Variants in AGBL1 observed in about 807,000 individuals in gnomAD.
The protein encoded by AGBL1 is AGBL carboxypeptidase 1.
A neutral mutation model predicts 118.9 loss-of-function variants in AGBL1; 130 were observed. That is an observed-to-expected ratio of 1.09 (90% CI 0.95 to 1.26). The LOEUF (loss-of-function observed/expected upper bound fraction) is 1.26, where lower values mean the gene tolerates loss of function less well. AGBL1 is among the 50% of genes most tolerant of loss of function. AGBL1 has a pLI of 0.00. For synonymous variants in AGBL1, 555 were observed against 478.9 expected (o/e 1.16, Z -2.08); for missense variants, 1,584 against 1,298.1 (o/e 1.22, Z -3.38).
Position 86,838,363 on chromosome 15 carries a change from TC to T in AGBL1, c.3159-68723del, listed in dbSNP as rs559834031. ...TTGTATAATATACCCTTATTCTTTT[TC>T]ATAGCCCTCCTTTAGAATAATTTTT... is the stretch of plus-strand genomic sequence containing the variant. On this transcript the variant is annotated intron_variant, in intron 22 of 22. Transcript: ENST00000614907. 4.6e-5 allele frequency among the ~76,000 whole-genome samples: 7 copies of T among 152,320 alleles called. 1 individual carries two copies. In the East Asian group the frequency reaches 1.2e-3, roughly 25 times the overall value.
chr15:86,207,097 GT>G (rs1246443130), intron 5 of AGBL1, among the ~76,000 whole-genome samples: 1 of 152,100 alleles, frequency 6.6e-6, no homozygotes, highest in African/African-American at 2.4e-5. Flanking sequence ...TTTTTGTCAG[GT>G]TTGTCAAAGA....
intron 5 of AGBL1, among the ~76,000 whole-genome samples, chr15:86,197,736 A>C (rs1218632911): frequency 6.6e-6 from 1 of 152,232 alleles, no homozygotes; most frequent in East Asian, 1.9e-4. Context: ...GTATGGCTGG[A>C]CTATTACTTG....
chr15:86,507,571 T>C (rs2082992787), intron 18 of AGBL1, among the ~76,000 whole-genome samples: 1 of 152,074 alleles, frequency 6.6e-6, no homozygotes, highest in Non-Finnish European at 1.5e-5. Context: ...GTGTTAATTG[T>C]AGTGAATAAA....
chr15:86,263,256 C>T (rs1037213843), intron 10 of AGBL1, among the ~76,000 whole-genome samples: 1 of 152,152 alleles, frequency 6.6e-6, no homozygotes, highest in African/African-American at 2.4e-5. Context: ...CACACAAATC[C>T]CATTGTATTA....
chr15:86,128,245 G>A (rs982985081), intron 1 of AGBL1, among the ~76,000 whole-genome samples: 1 of 152,048 alleles, frequency 6.6e-6, no homozygotes, highest in Non-Finnish European at 1.5e-5. Flanking sequence ...AGGAAAGGCG[G>A]CAGGCAAGAG....
chr15:86,990,936 T>C (rs2081331261), intron 24 of AGBL1, among the ~76,000 whole-genome samples: 1 of 152,178 alleles, frequency 6.6e-6, no homozygotes, highest in Non-Finnish European at 1.5e-5. Flanking sequence ...GGTATGTTTC[T>C]TAGGATAGAA....
chr15:86,778,539 C>G (rs941969340), intron 22 of AGBL1, among the ~76,000 whole-genome samples: 1 of 152,130 alleles, frequency 6.6e-6, no homozygotes, highest in Non-Finnish European at 1.5e-5. Flanking sequence ...ATGTTCCTTG[C>G]TGAGAAAAAG....
intron 18 of AGBL1, among the ~76,000 whole-genome samples, chr15:86,436,176 G>A (rs138056526): frequency 1.0e-4 from 14 of 136,848 alleles, no homozygotes; most frequent in East Asian, 8.4e-4. Flanking sequence ...TTGTCTTACC[G>A]CTCTCTGTGG....
At chr15:86,085,978 C>A (rs1274967700) in intron 1 of AGBL1, among the ~76,000 whole-genome samples, 3 of 152,158 alleles carry the variant, frequency 2.0e-5, no homozygotes, top group African/African-American at 7.2e-5. Context: ...CCTGAACACC[C>A]ACCTCTGCAG....
At chr15:86,208,173 C>T (rs1044957960) in intron 5 of AGBL1, among the ~76,000 whole-genome samples, 4 of 152,160 alleles carry the variant, frequency 2.6e-5, no homozygotes. Context: ...ATGAAGCCTA[C>T]TTGATCATGG....
intron 21 of AGBL1, among the ~76,000 whole-genome samples, chr15:86,606,311 G>A (rs1250153145): frequency 6.6e-6 from 1 of 152,064 alleles, no homozygotes; most frequent in Non-Finnish European, 1.5e-5. Flanking sequence ...TAGAAACAGA[G>A]CTCCCTGGTA....
rs1396515735 is a variant in AGBL1, at chr15:86,911,992, T to A, written c.*4698T>A. 1.3e-5 allele frequency: 2 copies of A among 152,322 alleles called. No individual in the cohort carries two copies. The highest frequency in any genetic ancestry group is 3.9e-4 in the East Asian group (2 of 5,174). The allele number at this position is 152,322 out of a possible 1,614,324, so 9.4% of individuals were successfully genotyped here. A position where few individuals can be genotyped will look rare whatever the true frequency, so the allele number is the denominator to read the frequency against. Reference sequence around the variant, plus strand: ...TTATCTTGGCATCTGTCCCTATACCTATCATACTTCTTAACACATTGCAGG... The same window carrying A: ...TTATCTTGGCATCTGTCCCTATACCAATCATACTTCTTAACACATTGCAGG... On this transcript the variant is annotated 3_prime_UTR_variant, in exon 23 of 23. Transcript: ENST00000614907.
chr15:86,986,591 G>A (rs115803886), intron 23 of AGBL1, among the ~76,000 whole-genome samples: 1 of 152,104 alleles, frequency 6.6e-6, no homozygotes. Context: ...AGATGTAGAG[G>A]AGTCATATAT....
intron 22 of AGBL1, among the ~76,000 whole-genome samples, chr15:86,683,947 T>C (rs532081806): frequency 5.8e-4 from 89 of 152,300 alleles, no homozygotes; most frequent in Non-Finnish European, 1.0e-3. Context: ...TATTTCTTTT[T>C]ATTAAGTACC....
At chr15:86,511,502 C>G (rs1056592067) in intron 18 of AGBL1, among the ~76,000 whole-genome samples, 2 of 152,012 alleles carry the variant, frequency 1.3e-5, no homozygotes, top group African/African-American at 4.8e-5. Context: ...AAGTAACTGT[C>G]CTCTCTGTTA....
chr15:87,009,123 A>G (rs2081533271), intron 24 of AGBL1, among the ~76,000 whole-genome samples: 1 of 152,276 alleles, frequency 6.6e-6, no homozygotes, highest in Admixed American at 6.5e-5. Flanking sequence ...GGCATATCAG[A>G]GACCTCTGCA....
Position 86,184,316 on chromosome 15 carries a change from G to C in AGBL1, c.488+25290G>C, listed in dbSNP as rs1280587001. On this transcript the variant is annotated intron_variant, in intron 5 of 22. Transcript: ENST00000614907. ...TGAGTAATTAGTCATAAGGTCCATA[G>C]TAATTCTGTCTGTTAAAGCAGAAGT... Among the ~76,000 whole-genome samples, 8 of 152,236 alleles carry C rather than the reference G, an allele frequency of 5.3e-5. No individual in the cohort carries two copies. The South Asian group carries it at 1.7e-3, about 32-fold the overall frequency.
At chr15:86,699,801 C>T (rs1376456915) in intron 22 of AGBL1, among the ~76,000 whole-genome samples, 4 of 152,020 alleles carry the variant, frequency 2.6e-5, no homozygotes, top group Non-Finnish European at 5.9e-5. Context: ...AGCTTCCCCT[C>T]TGTATAGTTT....
At chr15:86,547,929 C>G (rs886477385) in intron 20 of AGBL1, among the ~76,000 whole-genome samples, 1 of 152,160 alleles carries the variant, frequency 6.6e-6, no homozygotes, top group Non-Finnish European at 1.5e-5. Flanking sequence ...TGGCTTTCAA[C>G]CCAAACAGCT....
Sources: gnomAD v4.1 joint callset for allele counts (sites outside exome capture counted in the v4.1 genomes callset) on GRCh38, gnomAD v4.1.1 for gene constraint, MANE v1.5 for transcripts, NCBI Gene and HGNC (gene_info 2026-07-23, HGNC 2026-07-21) for gene names.